Variants in VPS26C observed in about 807,000 individuals in gnomAD.
The protein encoded by VPS26C is VPS26 endosomal protein sorting factor C, also known as vacuolar protein sorting-associated protein 26C.
In VPS26C, 19 loss-of-function variants were observed where a neutral mutation model predicts 30.6. That is an observed-to-expected ratio of 0.62 (90% confidence interval 0.43 to 0.91). VPS26C has a LOEUF of 0.91. Ranked by LOEUF, VPS26C falls within the 40% of genes least tolerant of loss-of-function variation. The probability of loss-of-function intolerance (pLI) is 0.00; values close to 1 mark genes in which losing one functional copy is unlikely to be tolerated. For synonymous variants in VPS26C, 132 were observed against 151.5 expected (o/e 0.87, Z 0.95); for missense variants, 318 against 385.1 (o/e 0.83, Z 1.46).
chr21:37,253,909 A>C (rs2086217429), intron 1 of VPS26C, among the ~76,000 whole-genome samples: 1 of 152,244 alleles, frequency 6.6e-6, no homozygotes, highest in South Asian at 2.1e-4. Flanking sequence ...TCCAAAATCC[A>C]AAACACCTCT....
chr21:37,225,837 T>C (rs758715118), intron 7 of VPS26C: 2 of 578,754 alleles, frequency 3.5e-6, no homozygotes. Context: ...CTGTCAACTT[T>C]CTCTAAGTGA....
At chr21:37,227,881 C>CACCA in intron 6 of VPS26C, 75 bp from the exon 7 acceptor site, 1 of 1,571,250 alleles carries the variant, frequency 6.4e-7, no homozygotes. Flanking sequence ...CGGCACCACC[C>CACCA]ACCAGTCTGC....
chr21:37,247,569 C>A (rs1005060518), intron 1 of VPS26C, among the ~76,000 whole-genome samples: 2 of 152,086 alleles, frequency 1.3e-5, no homozygotes, highest in East Asian at 3.9e-4. Context: ...CACATTCCCC[C>A]CAACCAAGCA....
At chr21:37,238,089 TAAAC>T (rs1013607917) in intron 3 of VPS26C, 5 of 179,570 alleles carry the variant, frequency 2.8e-5, no homozygotes, top group Non-Finnish European at 4.6e-5. Context: ...CTTTGGGTGT[TAAAC>T]AAAGAGATAC....
At chr21:37,241,016 G>A (rs1250216025) in intron 1 of VPS26C, among the ~76,000 whole-genome samples, 1 of 152,204 alleles carries the variant, frequency 6.6e-6, no homozygotes, top group African/African-American at 2.4e-5. Flanking sequence ...GCATGGATGA[G>A]GTCCCTTCAA....
Position 37,267,219 on chromosome 21 carries a change from A to ATC in VPS26C, c.57+18_57+19insGA. ...CCCGCCCAACCCCACCTCCATCCCC[A>ATC]CCCCCAGCCCCCACTTACCCCGGCG... On this transcript the variant is annotated intron_variant, in intron 1 of 7. Coordinates refer to ENST00000309117, the MANE Select transcript of VPS26C (RefSeq NM_006052.2). The ATC allele has an allele frequency of 4.4e-6, 1 of 225,506 alleles. No homozygotes were observed. The highest frequency in any genetic ancestry group is 8.3e-6 in the Non-Finnish European group (1 of 121,160). The allele number at this position is 225,506 out of a possible 1,614,324, so 14.0% of individuals were successfully genotyped here. A position where few individuals can be genotyped will look rare whatever the true frequency, so the allele number is the denominator to read the frequency against.
chr21:37,253,508 C>T (rs2086214411), intron 1 of VPS26C, among the ~76,000 whole-genome samples: 1 of 151,988 alleles, frequency 6.6e-6, no homozygotes, highest in Non-Finnish European at 1.5e-5. Flanking sequence ...TCTTGAGAGC[C>T]TGGAAAAGAA....
At chr21:37,247,863 G>A (rs1378286495) in intron 1 of VPS26C, among the ~76,000 whole-genome samples, 1 of 152,218 alleles carries the variant, frequency 6.6e-6, no homozygotes, top group East Asian at 1.9e-4. Context: ...AATTCTAAAG[G>A]AGCAACTCAC....
At chr21:37,225,674 C>A in intron 7 of VPS26C, 48 bp from the exon 8 acceptor site, 7 of 1,474,346 alleles carry the variant, frequency 4.7e-6, no homozygotes, top group Non-Finnish European at 6.6e-6. Flanking sequence ...TACCAAGCAG[C>A]GAAACCACAC....
At chr21:37,230,475 C>T (rs1298325687) in intron 5 of VPS26C, 1 of 152,262 alleles carries the variant, frequency 6.6e-6, no homozygotes, top group Admixed American at 6.5e-5. Context: ...TACAATACAT[C>T]TCTTTTCTAC....
At chr21:37,268,016 C>G (rs891503082), upstream of VPS26C, 1 of 152,310 alleles carries the variant, frequency 6.6e-6, no homozygotes, top group Non-Finnish European at 1.5e-5. Flanking sequence ...CGTCCCAGCG[C>G]CAGCTGGGCC....
At chr21:37,228,101 G>A in intron 6 of VPS26C, 122 bp downstream of exon 6, 1 of 1,393,410 alleles carries the variant, frequency 7.2e-7, no homozygotes, top group Non-Finnish European at 9.7e-7. Context: ...AGCCTCCTGA[G>A]TAGCTGGGAT....
intron 1 of VPS26C, among the ~76,000 whole-genome samples, chr21:37,246,060 C>T (rs1419513126): frequency 6.6e-6 from 1 of 151,964 alleles, no homozygotes; most frequent in Non-Finnish European, 1.5e-5. Flanking sequence ...AGGTAACAAA[C>T]ACACAGCTAT....
At chr21:37,227,870 C>A in intron 6 of VPS26C, 64 bp from the exon 7 acceptor site, 1 of 1,588,990 alleles carries the variant, frequency 6.3e-7, no homozygotes, top group East Asian at 2.2e-5. Flanking sequence ...CACATCCGCA[C>A]CGGCACCACC....
In VPS26C at chr21:37,224,832, ACATTAGCCGGG is replaced by A. The variant is rs2085882775; in HGVS notation, c.*701_*711del. On this transcript the variant is annotated 3_prime_UTR_variant, in exon 8 of 8. Coordinates refer to ENST00000309117, the MANE Select transcript of VPS26C (RefSeq NM_006052.2). ...AGCCCCGTCTCTACTAAAAATACAA[ACATTAGCCGGG>A]CACGGTGGCAGTCACCTGTAATCCC... 6.6e-6 allele frequency: 1 copy of A among 152,154 alleles called. No individual in the cohort carries two copies. The highest frequency in any genetic ancestry group is 6.6e-5 in the Admixed American group (1 of 15,256). 9.4% of individuals were successfully genotyped at this position (152,154 alleles called of 1,614,324 possible). A position where few individuals can be genotyped will look rare whatever the true frequency, so the allele number is the denominator to read the frequency against.
intron 1 of VPS26C, among the ~76,000 whole-genome samples, chr21:37,264,141 T>C (rs1457537402): frequency 3.3e-5 from 5 of 152,238 alleles, no homozygotes. Context: ...GATTAATTAG[T>C]TTAATAACTT....
At chr21:37,238,305 G>T in intron 3 of VPS26C, 155 bp downstream of exon 3, 1 of 823,094 alleles carries the variant, frequency 1.2e-6, no homozygotes, top group Non-Finnish European at 1.8e-6. Flanking sequence ...ATTTATCAGG[G>T]AAATGAGAAA....
At chr21:37,251,270 T>C (rs2086191159) in intron 1 of VPS26C, among the ~76,000 whole-genome samples, 1 of 152,236 alleles carries the variant, frequency 6.6e-6, no homozygotes, top group Non-Finnish European at 1.5e-5. Flanking sequence ...ACTGCAACAC[T>C]GTTTGTAAAT....
At chr21:37,258,533 C>A (rs1390007394) in intron 1 of VPS26C, among the ~76,000 whole-genome samples, 1 of 152,208 alleles carries the variant, frequency 6.6e-6, no homozygotes, top group African/African-American at 2.4e-5. Context: ...ATATTGTTAC[C>A]TGGAAAATAA....
Sources: allele counts gnomAD v4.1 joint callset (sites outside exome capture counted in the v4.1 genomes callset), GRCh38; gene constraint gnomAD v4.1.1; transcripts MANE v1.5; gene names NCBI Gene and HGNC (gene_info 2026-07-23, HGNC 2026-07-21).